Variants in CDYL2 observed in about 807,000 individuals in gnomAD.
CDYL2 encodes the protein chromodomain Y-like protein 2.
CDYL2 carries 23 observed loss-of-function variants against 49.4 expected under a neutral mutation model. The ratio of observed to expected loss-of-function variants is 0.47; its 90% CI spans 0.34 to 0.66. CDYL2 has a LOEUF of 0.66. Among genes scored for constraint, CDYL2 ranks in the 30% least tolerant of loss-of-function variants. CDYL2 has a pLI of 0.01. For synonymous variants in CDYL2, 360 were observed against 268.8 expected (o/e 1.34, Z -3.32); for missense variants, 678 against 656.4 (o/e 1.03, Z -0.36).
chr16:80,745,208 A>AT (rs960098876), intron 1 of CDYL2, among the ~76,000 whole-genome samples: 1 of 152,320 alleles, frequency 6.6e-6, no homozygotes, highest in African/African-American at 2.4e-5. Context: ...GCTAGAATGC[A>AT]GGGGCCTGAG....
In CDYL2 at chr16:80,765,005, A is replaced by G. The variant is rs549280316; in HGVS notation, c.24+39145T>C. Among the ~76,000 whole-genome samples the G allele has an allele frequency of 4.5e-4, 66 of 147,368 alleles. No homozygotes were observed. In the Middle Eastern group the frequency reaches 0.011, roughly 24 times the overall value. Reference sequence around the variant, plus strand: ...AACCTGGGAGGCGGAGCTTGCAGTGAGCCGAGATCGCGCCACTGCACTCCA... The same window carrying G: ...AACCTGGGAGGCGGAGCTTGCAGTGGGCCGAGATCGCGCCACTGCACTCCA... On this transcript the variant is annotated intron_variant, in intron 1 of 6. Transcript: ENST00000570137.
intron 5 of CDYL2, among the ~76,000 whole-genome samples, chr16:80,608,718 T>C (rs1450878960): frequency 1.3e-5 from 2 of 151,986 alleles, no homozygotes; most frequent in Admixed American, 6.6e-5. Context: ...CTAACATCAG[T>C]GAGCCCAAGG....
intron 1 of CDYL2, among the ~76,000 whole-genome samples, chr16:80,718,671 C>T (rs1904894334): frequency 6.6e-6 from 1 of 152,168 alleles, no homozygotes; most frequent in Non-Finnish European, 1.5e-5. Context: ...GCAAGTGTAA[C>T]CTGACACTCA....
chr16:80,666,707 C>T (rs1284651027), intron 2 of CDYL2, among the ~76,000 whole-genome samples: 1 of 152,164 alleles, frequency 6.6e-6, no homozygotes, highest in African/African-American at 2.4e-5. Flanking sequence ...CCCAGGACAA[C>T]TCAAGGAGAG....
chr16:80,675,354 G>T (rs77620187), intron 2 of CDYL2, among the ~76,000 whole-genome samples: 3,315 of 152,318 alleles, frequency 0.022, 46 homozygotes, highest in African/African-American at 0.038. Context: ...AGGTAACCTT[G>T]TTATGTTGCT....
At chr16:80,674,334 G>A (rs1434821589) in intron 2 of CDYL2, among the ~76,000 whole-genome samples, 1 of 152,188 alleles carries the variant, frequency 6.6e-6, no homozygotes, top group Non-Finnish European at 1.5e-5. Flanking sequence ...CAGCTTCTTG[G>A]AGAGCATTTA....
intron 2 of CDYL2, among the ~76,000 whole-genome samples, chr16:80,654,917 C>T (rs75298414): frequency 6.6e-6 from 1 of 152,164 alleles, no homozygotes; most frequent in Non-Finnish European, 1.5e-5. Context: ...GGGAGTTGTT[C>T]CTTCAGGGTT....
At chr16:80,641,749 G>C (rs1258706985) in intron 2 of CDYL2, among the ~76,000 whole-genome samples, 1 of 114,828 alleles carries the variant, frequency 8.7e-6, no homozygotes, top group East Asian at 3.2e-4. Flanking sequence ...GACTGTTGTG[G>C]GGTGGGGGGA....
At chr16:80,765,016 C>T (rs979071376) in intron 1 of CDYL2, among the ~76,000 whole-genome samples, 17 of 144,428 alleles carry the variant, frequency 1.2e-4, no homozygotes, top group African/African-American at 4.4e-4. Context: ...GCCGAGATCG[C>T]GCCACTGCAC....
intron 1 of CDYL2, among the ~76,000 whole-genome samples, chr16:80,788,038 A>G (rs187409981): frequency 2.0e-3 from 300 of 152,322 alleles, no homozygotes; most frequent in African/African-American, 6.8e-3. Context: ...CAGAAACATT[A>G]TCCTGCCAAT....
At chr16:80,776,187 A>G (rs1303963939) in intron 1 of CDYL2, among the ~76,000 whole-genome samples, 2 of 152,166 alleles carry the variant, frequency 1.3e-5, no homozygotes, top group African/African-American at 4.8e-5. Context: ...AGACAACATA[A>G]TGAAACTTCT....
At chr16:80,628,352 G>T (rs551149888) in intron 3 of CDYL2, 8 of 152,392 alleles carry the variant, frequency 5.2e-5, no homozygotes, top group African/African-American at 1.9e-4. Context: ...GGTGACAAAA[G>T]GATCATCCTC....
chr16:80,728,011 A>T (rs1851358404), intron 1 of CDYL2, among the ~76,000 whole-genome samples: 1 of 152,270 alleles, frequency 6.6e-6, no homozygotes, highest in Admixed American at 6.5e-5. Context: ...AAAACAGAGC[A>T]GAAAAACTGG....
intron 1 of CDYL2, among the ~76,000 whole-genome samples, chr16:80,790,324 C>A (rs1907570431): frequency 6.6e-6 from 1 of 152,178 alleles, no homozygotes; most frequent in Non-Finnish European, 1.5e-5. Context: ...ATAGCAAAGA[C>A]TTTGCCATCT....
chr16:80,610,083 G>C (rs1187142447), intron 5 of CDYL2, among the ~76,000 whole-genome samples: 1 of 152,116 alleles, frequency 6.6e-6, no homozygotes, highest in African/African-American at 2.4e-5. Flanking sequence ...TGCTATTTTT[G>C]TATGGTTGGT....
intron 1 of CDYL2, among the ~76,000 whole-genome samples, chr16:80,705,306 A>C (rs1024817761): frequency 6.6e-5 from 10 of 152,214 alleles, no homozygotes; most frequent in African/African-American, 2.4e-4. Flanking sequence ...GCGGGCAGGG[A>C]GATTCCTGTC....
At chr16:80,658,367 C>T (rs772465590) in intron 2 of CDYL2, among the ~76,000 whole-genome samples, 2 of 152,054 alleles carry the variant, frequency 1.3e-5, no homozygotes, top group Non-Finnish European at 2.9e-5. Context: ...AACATAACCA[C>T]ATCAAAAGGG....
chr16:80,685,226 G>A, intron 1 of CDYL2, 97 bp from the exon 2 acceptor site: 1 of 938,880 alleles, frequency 1.1e-6, no homozygotes, highest in Admixed American at 2.3e-5. Flanking sequence ...TGGGATAGAG[G>A]CATCTACCCT....
chr16:80,756,196 C>T (rs1284096049), intron 1 of CDYL2, among the ~76,000 whole-genome samples: 1 of 151,956 alleles, frequency 6.6e-6, no homozygotes, highest in Admixed American at 6.6e-5. Context: ...CTAAGAAAAA[C>T]AGAAATGAAG....
Sources: gnomAD v4.1 joint callset for allele counts (sites outside exome capture counted in the v4.1 genomes callset) on GRCh38, gnomAD v4.1.1 for gene constraint, MANE v1.5 for transcripts, NCBI Gene and HGNC (gene_info 2026-07-23, HGNC 2026-07-21) for gene names.